The following BRSK2 variants were observed in gnomAD, a reference collection of about 807,000 sequenced individuals.
BRSK2 encodes the protein serine/threonine-protein kinase BRSK2.
A neutral mutation model predicts 83.3 loss-of-function variants in BRSK2; 19 were observed. The ratio of observed to expected loss-of-function variants is 0.23; its 90% confidence interval spans 0.16 to 0.33. The LOEUF (loss-of-function observed/expected upper bound fraction) is 0.33. BRSK2 is among the 10% of genes least tolerant of loss of function. The probability of loss-of-function intolerance (pLI) is 1.00; values close to 1 mark genes in which losing one functional copy is unlikely to be tolerated. For synonymous variants in BRSK2, 519 were observed against 435.4 expected (o/e 1.19, Z -2.39); for missense variants, 798 against 1,042.3 (o/e 0.77, Z 3.23).
At chr11:1,448,002 C>A in intron 12 of BRSK2, 1 of 872,882 alleles carries the variant, frequency 1.1e-6, no homozygotes, top group Non-Finnish European at 1.8e-6. Flanking sequence ...GCCAGCAAGC[C>A]AGGCAAGGGC....
In BRSK2 at chr11:1,390,297, G is replaced by C; in HGVS notation, c.13G>C (p.Gly5Arg). 9.7e-7 allele frequency: 1 copy of C among 1,035,310 alleles called. No homozygotes were observed. Among genetic ancestry groups the C allele is most frequent in the South Asian group, 4.3e-5 (1 of 23,230 alleles). 64.1% of individuals were successfully genotyped at this position (1,035,310 alleles called of 1,614,324 possible). ...GGGCCCCAGAGCGATGACATCGACG[G>C]GGAAGGACGGCGGCGCGCAGCACGC... is the stretch of plus-strand genomic sequence containing the variant. MTST[G>R]KDGGAQHAQY... Residue 5 changes from glycine to arginine, a missense_variant, in exon 1 of 20, where the codon GGG becomes CGG. By Grantham distance (125) the Gly-to-Arg change is moderately radical. Transcript: ENST00000528841. This position sits in a 1 kb window ranked among gnomAD's most constrained non-coding sequence, Gnocchi z 6.8.
At position 1,445,809 on chromosome 11, in the gene BRSK2, G is replaced by T. The variant is rs376376842; in HGVS notation, c.1128G>T (p.Arg376=). 5 of 1,612,380 alleles carry T rather than the reference G, an allele frequency of 3.1e-6. No homozygotes were observed. In the African/African-American group the frequency reaches 6.7e-5, roughly 22 times the overall value. ...CGATGCTGAACCGGCACGGCAAGCG[G>T]CGGCCAGAACGCAAATCCATGGAGG... is the stretch of plus-strand genomic sequence containing the variant. ...DSPMLNRHGK[R]RPERKSMEVL... is the part of the protein sequence containing the mutation. Residue 376 remains arginine (R), a synonymous_variant, in exon 12 of 20, where the codon CGG becomes CGT. Coordinates refer to ENST00000528841, the MANE Select transcript of BRSK2 (RefSeq NM_001256627.2).
At chr11:1,457,464 G>A (rs1018288691) in intron 18 of BRSK2, among the ~76,000 whole-genome samples, 3 of 152,266 alleles carry the variant, frequency 2.0e-5, no homozygotes, top group Admixed American at 2.0e-4. Context: ...GAGGGTCCGT[G>A]CCACTCGGCA....
intron 3 of BRSK2, among the ~76,000 whole-genome samples, chr11:1,440,194 C>T (rs1266998864): frequency 1.3e-5 from 2 of 152,174 alleles, no homozygotes; most frequent in African/African-American, 4.8e-5. Flanking sequence ...CCCCTCAGGA[C>T]CCTCCATGTG....
intron 1 of BRSK2, among the ~76,000 whole-genome samples, chr11:1,413,107 C>T (rs1306068554): frequency 6.6e-6 from 1 of 152,040 alleles, no homozygotes; most frequent in East Asian, 1.9e-4. Flanking sequence ...TGGGGTGGGT[C>T]TCTCCCCATC....
intron 18 of BRSK2, among the ~76,000 whole-genome samples, 198 bp from the exon 19 acceptor site, chr11:1,458,994 A>AGGCCCT (rs1847029629): frequency 6.6e-6 from 1 of 151,714 alleles, no homozygotes. Context: ...GCCTCACTCC[A>AGGCCCT]GGCCCTGCCC....
chr11:1,434,525 C>T (rs535886382), intron 1 of BRSK2, among the ~76,000 whole-genome samples: 11 of 95,594 alleles, frequency 1.2e-4, no homozygotes, highest in South Asian at 7.1e-4. Flanking sequence ...TGGGTGTCGG[C>T]GCACCCAGGA....
chr11:1,411,634 G>T (rs763051342), intron 1 of BRSK2: 8 of 1,544,940 alleles, frequency 5.2e-6, no homozygotes, highest in African/African-American at 2.7e-5. Flanking sequence ...AGCCCAGCAG[G>T]TGCGTGCCAC....
chr11:1,427,004 G>A (rs535960925), intron 1 of BRSK2, among the ~76,000 whole-genome samples: 10 of 152,238 alleles, frequency 6.6e-5, no homozygotes, highest in Non-Finnish European at 1.3e-4. Context: ...CGGTGAGGGG[G>A]CTGCGCGGGG....
At chr11:1,437,817 A>C (rs1053435868) in intron 2 of BRSK2, among the ~76,000 whole-genome samples, 5 of 152,176 alleles carry the variant, frequency 3.3e-5, no homozygotes, top group African/African-American at 1.2e-4. Context: ...CAACAGCTCC[A>C]GGCCCCATTC....
intron 1 of BRSK2, among the ~76,000 whole-genome samples, chr11:1,434,894 G>C (rs1381682734): frequency 6.6e-6 from 1 of 152,124 alleles, no homozygotes; most frequent in East Asian, 1.9e-4. Context: ...CCAGTGTCAA[G>C]GCCACAGCTC....
intron 1 of BRSK2, among the ~76,000 whole-genome samples, chr11:1,391,582 G>A (rs772844053): frequency 2.6e-5 from 4 of 152,188 alleles, no homozygotes; most frequent in Non-Finnish European, 5.9e-5. Flanking sequence ...TCCGCCACCC[G>A]CCACGGCACG....
chr11:1,413,592 A>G (rs1228824704), intron 1 of BRSK2, among the ~76,000 whole-genome samples: 1 of 152,250 alleles, frequency 6.6e-6, no homozygotes, highest in African/African-American at 2.4e-5. Context: ...CCAGGAAGGA[A>G]GTGGTCATGG....
At position 1,443,563 on chromosome 11, in the gene BRSK2, G is replaced by T. The variant is rs371620006; in HGVS notation, c.708G>T (p.Pro236=). Residue 236 remains proline (P), a synonymous_variant, in exon 8 of 20, where the codon CCG becomes CCT. Transcript: ENST00000528841. Reference sequence around the variant, plus strand: ...TGAAGCGGGGCGTGTTCCACATGCCGCACTTTATCCCGCCCGACTGCCAGA... The same window carrying T: ...TGAAGCGGGGCGTGTTCCACATGCCTCACTTTATCCCGCCCGACTGCCAGA... ...EKVKRGVFHM[P]HFIPPDCQSL... The T allele has an allele frequency of 6.2e-7, 1 of 1,610,522 alleles. No individual in the cohort carries two copies. Among genetic ancestry groups the T allele is most frequent in the Non-Finnish European group, 8.5e-7 (1 of 1,178,880 alleles).
chr11:1,447,861 C>T, intron 12 of BRSK2: 1 of 1,595,942 alleles, frequency 6.3e-7, no homozygotes, highest in Non-Finnish European at 8.5e-7. Context: ...GCAAAGAAGA[C>T]AGGTATACAC....
At chr11:1,436,006 G>A (rs772683036) in intron 1 of BRSK2, 34 bp from the exon 2 acceptor site, 2 of 1,550,384 alleles carry the variant, frequency 1.3e-6, no homozygotes, top group African/African-American at 2.7e-5. Flanking sequence ...AGGCACCCTG[G>A]GTGGGTCTGA....
chr11:1,391,183 G>T (rs1024510338), intron 1 of BRSK2, among the ~76,000 whole-genome samples: 3 of 152,252 alleles, frequency 2.0e-5, no homozygotes, highest in Non-Finnish European at 2.9e-5. Flanking sequence ...GCTGGGTTTG[G>T]CTAGCCCTTC....
chr11:1,445,408 G>A lies in BRSK2; in HGVS notation c.927G>A (p.Leu309=). Reference sequence around the variant, plus strand: ...ACGTGCTGGACAGCATGCACTCACTGGGCTGCTTCCGAGACCGCAACAAGC... The same window carrying A: ...ACGTGCTGGACAGCATGCACTCACTAGGCTGCTTCCGAGACCGCAACAAGC... ...DPDVLDSMHS[L]GCFRDRNKLL... is the part of the protein sequence containing the mutation. The change falls in exon 10 of 20, where the codon CTG becomes CTA. Residue 309 remains leucine (L), a synonymous_variant. Coordinates refer to ENST00000528841, the MANE Select transcript of BRSK2 (RefSeq NM_001256627.2). The A allele has an allele frequency of 1.9e-6, 3 of 1,612,004 alleles. No homozygotes were observed. The highest frequency in any genetic ancestry group is 2.5e-6 in the Non-Finnish European group (3 of 1,179,686).
intron 1 of BRSK2, among the ~76,000 whole-genome samples, chr11:1,425,216 G>C (rs1681191769): frequency 6.6e-6 from 1 of 152,232 alleles, no homozygotes; most frequent in Non-Finnish European, 1.5e-5. Flanking sequence ...TCAGCAGGTG[G>C]CTTCGGCTTA....
Sources: gnomAD v4.1 joint callset for allele counts (sites outside exome capture counted in the v4.1 genomes callset) on GRCh38, gnomAD v4.1.1 for gene constraint, Gnocchi (gnomAD v3.1) non-coding constraint, MANE v1.5 for transcripts, NCBI Gene and HGNC (gene_info 2026-07-23, HGNC 2026-07-21) for gene names.